Variants in SRL observed in about 807,000 individuals in gnomAD.
SRL encodes sarcalumenin.
Under a neutral mutation model 39.5 loss-of-function variants are expected in SRL, and 23 were observed. That is an observed-to-expected ratio of 0.58 (90% CI 0.42 to 0.82). The LOEUF is 0.82. Among genes scored for constraint, SRL ranks in the 40% least tolerant of loss-of-function variants. SRL has a pLI of 0.00. For missense variants in SRL, 592 were observed against 607.8 expected (o/e 0.97, Z 0.27); for synonymous variants, 272 against 237.4 (o/e 1.15, Z -1.34).
chr16:4,205,798 C>T (rs538119362), intron 1 of SRL, among the ~76,000 whole-genome samples: 5 of 152,018 alleles, frequency 3.3e-5, no homozygotes, highest in African/African-American at 7.2e-5. Context: ...GGCAGCCTAG[C>T]GTGATAGTGC....
At chr16:4,197,673 G>A in intron 4 of SRL, 126 bp downstream of exon 4, 1 of 774,802 alleles carries the variant, frequency 1.3e-6, no homozygotes, top group Admixed American at 1.8e-5. Context: ...GTGATCCACT[G>A]CCTTGGCCTC....
At chr16:4,212,830 C>T (rs960171721) in intron 1 of SRL, among the ~76,000 whole-genome samples, 7 of 152,166 alleles carry the variant, frequency 4.6e-5, no homozygotes, top group African/African-American at 9.7e-5. Context: ...CCAGCAGGTC[C>T]CACCAGCCCC....
At chr16:4,199,056 G>A (rs9673661) in intron 3 of SRL, among the ~76,000 whole-genome samples, 7,245 of 152,160 alleles carry the variant, frequency 0.048, 520 homozygotes, top group African/African-American at 0.16. Flanking sequence ...ACAGCACAGA[G>A]GGCCAGTCCT....
chr16:4,215,231 A>C (rs781015473), intron 1 of SRL, among the ~76,000 whole-genome samples: 1 of 152,166 alleles, frequency 6.6e-6, no homozygotes, highest in Non-Finnish European at 1.5e-5. Context: ...TTCTCCCAAC[A>C]TGGGCGACCA....
intron 1 of SRL, among the ~76,000 whole-genome samples, chr16:4,240,635 C>T (rs1008320860): frequency 2.0e-5 from 3 of 152,140 alleles, no homozygotes; most frequent in Non-Finnish European, 4.4e-5. Context: ...GCGAGGCCTG[C>T]AGAACATTCC....
chr16:4,228,327 C>T (rs1384780310), intron 1 of SRL, among the ~76,000 whole-genome samples: 1 of 152,206 alleles, frequency 6.6e-6, no homozygotes, highest in Non-Finnish European at 1.5e-5. Flanking sequence ...ATCCCAGCTA[C>T]TCGGGAGGCT....
In SRL at chr16:4,193,187, G is replaced by A. The variant is rs2052091791; in HGVS notation, c.611-223C>T. Among the ~76,000 whole-genome samples the A allele has an allele frequency of 1.3e-5, 2 of 152,046 alleles. 1 individual carries two copies. Among genetic ancestry groups the A allele is most frequent in the South Asian group, 4.1e-4 (2 of 4,826 alleles). ...TGTTTTTCTTGTTGGTTTGTTTTTT[G>A]AGACAGGGTCTCACTCTGTCACCCA... On this transcript the variant is annotated intron_variant, in intron 5 of 5. Coordinates refer to ENST00000399609, the MANE Select transcript of SRL (RefSeq NM_001098814.2).
In SRL at chr16:4,204,574, G is replaced by T. The variant is rs1436914743; in HGVS notation, c.122C>A (p.Thr41Asn). 1.2e-6 allele frequency: 2 copies of T among 1,614,090 alleles called. No homozygotes were observed. Among genetic ancestry groups the T allele is most frequent in the African/African-American group, 1.3e-5 (1 of 74,946 alleles). ...TGGCTTGTCCTCATTCAGCATGAGG[G>T]TCTTCTCGATGTGGGAGCGGTCCCT... ...PLRDRSHIEK[T>N]LMLNEDKPSD... Residue 41 changes from threonine to asparagine, a missense_variant, in exon 2 of 6, where the codon ACC becomes AAC. By Grantham distance (65) the Thr-to-Asn change is moderately conservative. Coordinates refer to ENST00000399609, the MANE Select transcript of SRL (RefSeq NM_001098814.2).
At position 4,192,381 on chromosome 16, in the gene SRL, G is replaced by A. The variant is rs766082038; in HGVS notation, c.1194C>T (p.Arg398=). Residue 398 remains arginine (R), a synonymous_variant, in exon 6 of 6, where the codon CGC becomes CGT. Coordinates refer to ENST00000399609, the MANE Select transcript of SRL (RefSeq NM_001098814.2). The surrounding 1 kb of genome is among the most constrained non-coding windows in gnomAD (Gnocchi z 4.0). ...TNVSKFDLPN[R]EAYKDFFGIN... ...TGCCGAAGAAGTCCTTATAGGCCTC[G>A]CGGTTGGGAAGGTCAAATTTGCTGA... is the stretch of plus-strand genomic sequence containing the variant. 1.4e-5 allele frequency: 22 copies of A among 1,614,050 alleles called. No homozygotes were observed. The highest frequency in any genetic ancestry group is 6.6e-5 in the South Asian group (6 of 91,088).
intron 3 of SRL, among the ~76,000 whole-genome samples, chr16:4,198,930 T>C (rs1048938817): frequency 6.6e-6 from 1 of 152,126 alleles, no homozygotes; most frequent in African/African-American, 2.4e-5. Flanking sequence ...AATAGAATGC[T>C]CTCGTGCTTT....
At chr16:4,238,212 A>G (rs1319023776) in intron 1 of SRL, among the ~76,000 whole-genome samples, 1 of 152,042 alleles carries the variant, frequency 6.6e-6, no homozygotes, top group Non-Finnish European at 1.5e-5. Flanking sequence ...CAGGAGAGAG[A>G]GCTAAGTAAG....
intron 1 of SRL, among the ~76,000 whole-genome samples, chr16:4,211,896 T>G (rs2052398808): frequency 6.6e-6 from 1 of 152,030 alleles, no homozygotes; most frequent in African/African-American, 2.4e-5. Flanking sequence ...ATGATGACAA[T>G]GATGATGAGA....
At chr16:4,229,030 G>GGCCTGCATTCATTC (rs2052629458) in intron 1 of SRL, among the ~76,000 whole-genome samples, 1 of 152,046 alleles carries the variant, frequency 6.6e-6, no homozygotes, top group African/African-American at 2.4e-5. Context: ...ACACACTTAT[G>GGCCTGCATTCATTC]TGTTCACTGC....
intron 1 of SRL, among the ~76,000 whole-genome samples, chr16:4,229,004 C>A (rs951919265): frequency 6.6e-6 from 1 of 152,150 alleles, no homozygotes; most frequent in Non-Finnish European, 1.5e-5. Context: ...CAGCAACATT[C>A]AAGAAGGTTC....
Position 4,238,623 on chromosome 16 carries a change from CT to C in SRL, c.61+3383del, listed in dbSNP as rs113546099. On this transcript the variant is annotated intron_variant, in intron 1 of 5. Transcript: ENST00000399609. ...CCACAGGCCACCATGCCCGGTGCCA[CT>C]TTTTTTTTTTTTTTCCTTGAGACAA... Among the ~76,000 whole-genome samples, 1,154 of 143,566 alleles carry C rather than the reference CT, an allele frequency of 8.0e-3. 6 individuals are homozygous for C. The highest frequency in any genetic ancestry group is 0.02 in the South Asian group (92 of 4,514). The allele number at this position is 143,566 out of a possible 152,430, so 94.2% of individuals were successfully genotyped here. A position where few individuals can be genotyped will look rare whatever the true frequency, so the allele number is the denominator to read the frequency against.
chr16:4,205,903 A>G (rs554446622), intron 1 of SRL, among the ~76,000 whole-genome samples: 1 of 151,802 alleles, frequency 6.6e-6, no homozygotes, highest in Non-Finnish European at 1.5e-5. Flanking sequence ...CTATGACTGC[A>G]CGACTGCAGC....
At chr16:4,207,626 A>G (rs1188621476) in intron 1 of SRL, 1 of 441,696 alleles carries the variant, frequency 2.3e-6, no homozygotes, top group Admixed American at 2.4e-5. Context: ...CGGGGAGTTC[A>G]TGGCCCCCAG....
intron 1 of SRL, among the ~76,000 whole-genome samples, chr16:4,236,133 C>T (rs899900220): frequency 1.3e-5 from 2 of 152,176 alleles, no homozygotes; most frequent in Non-Finnish European, 2.9e-5. Flanking sequence ...GTAAACCCAT[C>T]TGCTTTTAAG....
chr16:4,231,436 A>T (rs1313888629), intron 1 of SRL, among the ~76,000 whole-genome samples: 1 of 152,186 alleles, frequency 6.6e-6, no homozygotes, highest in Non-Finnish European at 1.5e-5. Flanking sequence ...TCCTGACACC[A>T]TTTAACACTG....
Sources: gnomAD v4.1 joint callset for allele counts (sites outside exome capture counted in the v4.1 genomes callset) on GRCh38, gnomAD v4.1.1 for gene constraint, Gnocchi (gnomAD v3.1) non-coding constraint, MANE v1.5 for transcripts, NCBI Gene and HGNC (gene_info 2026-07-23, HGNC 2026-07-21) for gene names.